NFIC: variants seen among roughly 807,000 people sequenced by gnomAD.
NFIC encodes the protein nuclear factor 1 C-type.
Under a neutral mutation model 54.4 loss-of-function variants are expected in NFIC, and 12 were observed. The ratio of observed to expected loss-of-function variants is 0.22; its 90% confidence interval spans 0.14 to 0.36. The LOEUF (loss-of-function observed/expected upper bound fraction) is 0.36, where lower values mean the gene tolerates loss of function less well. Among genes scored for constraint, NFIC ranks in the 10% least tolerant of loss-of-function variants. NFIC has a pLI of 1.00. For synonymous variants in NFIC, 322 were observed against 319.2 expected, an observed-to-expected ratio of 1.01 and a Z score of -0.09; for missense variants, 575 against 718.2, an observed-to-expected ratio of 0.80 and a Z score of 2.28.
chr19:3,375,790 A>T lies in NFIC; in HGVS notation c.31-5922A>T, dbSNP rs1175992276. Among the ~76,000 whole-genome samples, 2 of 152,152 alleles carry T rather than the reference A, an allele frequency of 1.3e-5. No homozygotes were observed. The highest frequency in any genetic ancestry group is 4.8e-5 in the African/African-American group (2 of 41,442). On this transcript the variant is annotated intron_variant, in intron 1 of 10. Transcript: ENST00000443272. The surrounding 1 kb of genome is among the most constrained non-coding windows in gnomAD (Gnocchi z 4.6). ...CCGGAGGTGGCCCAAGGGGACGTGGAGCACAGAGCAGGGAGGGTGATCTGG... is the reference window on the plus strand; with the variant it reads ...CCGGAGGTGGCCCAAGGGGACGTGGTGCACAGAGCAGGGAGGGTGATCTGG...
intron 6 of NFIC, among the ~76,000 whole-genome samples, chr19:3,444,542 C>T (rs55805153): frequency 2.0e-5 from 3 of 152,138 alleles, no homozygotes; most frequent in Non-Finnish European, 4.4e-5. Flanking sequence ...TAGAGCCTGC[C>T]GGGAGCGTGC....
chr19:3,419,930 A>G (rs553532235), intron 2 of NFIC, among the ~76,000 whole-genome samples: 32 of 152,288 alleles, frequency 2.1e-4, no homozygotes, highest in Middle Eastern at 3.4e-3. Flanking sequence ...TAGTGGTGAG[A>G]GGCTGGATGT....
intron 3 of NFIC, among the ~76,000 whole-genome samples, chr19:3,428,938 C>T (rs2082070456): frequency 6.6e-6 from 1 of 152,014 alleles, no homozygotes. Context: ...ATGCGTGGCC[C>T]TGAACCTCCC....
intron 2 of NFIC, among the ~76,000 whole-genome samples, chr19:3,416,388 AT>A (rs2081854967): frequency 6.7e-6 from 1 of 150,206 alleles, no homozygotes. Context: ...AAATGTACCT[AT>A]ATGGCCTGTA....
In NFIC at chr19:3,392,603, C is replaced by T. The variant is rs571349761; in HGVS notation, c.562+10360C>T. On this transcript the variant is annotated intron_variant, in intron 2 of 10. Coordinates refer to ENST00000443272, the MANE Select transcript of NFIC (RefSeq NM_001245002.2). ...TCCCAGAGCCAGTGGGAGGGGGAGG[C>T]GCCTTGTTGCACCTGTGATGCCCCC... Among the ~76,000 whole-genome samples, 16 of 152,292 alleles carry T rather than the reference C, an allele frequency of 1.1e-4. 1 individual carries two copies. Among genetic ancestry groups the T allele is most frequent in the African/African-American group, 3.6e-4 (15 of 41,568 alleles).
chr19:3,413,047 C>G (rs2081791254), intron 2 of NFIC, among the ~76,000 whole-genome samples: 1 of 152,194 alleles, frequency 6.6e-6, no homozygotes, highest in Admixed American at 6.5e-5. Context: ...CTTCCAGATT[C>G]AAATGATCCT....
chr19:3,410,803 A>G (rs766271372), intron 2 of NFIC: 2 of 152,314 alleles, frequency 1.3e-5, no homozygotes, highest in Non-Finnish European at 2.9e-5. Flanking sequence ...CAGCGATTGG[A>G]AACGCCCGCG....
upstream of NFIC, chr19:3,366,532 G>GGC (rs2080886043): frequency 1.8e-6 from 1 of 558,368 alleles, no homozygotes; most frequent in Non-Finnish European, 2.8e-6. Context: ...CCGGCCGCGG[G>GGC]GCGGGGGGGG....
intron 2 of NFIC, among the ~76,000 whole-genome samples, chr19:3,423,116 T>G (rs1243713522): frequency 6.6e-6 from 1 of 152,070 alleles, no homozygotes; most frequent in South Asian, 2.1e-4. Context: ...GAGAATCACT[T>G]GAACCCGAGA....
At position 3,463,825 on chromosome 19, in the gene NFIC, C is replaced by T. The variant is rs1369784890; in HGVS notation, c.*1056C>T. ...AGCCCCTGGCGGTGGGAGGTGAGAG[C>T]GAGTGGTTTAAGTGCCTGATTACCA... On this transcript the variant is annotated 3_prime_UTR_variant, in exon 11 of 11. Transcript: ENST00000443272. The T allele has an allele frequency of 1.2e-5, 12 of 984,834 alleles. No individual in the cohort carries two copies. Among genetic ancestry groups the T allele is most frequent in the Non-Finnish European group, 1.4e-5 (12 of 829,804 alleles). The allele number at this position is 984,834 out of a possible 1,614,324, so 61.0% of individuals were successfully genotyped here. A position where few individuals can be genotyped will look rare whatever the true frequency, so the allele number is the denominator to read the frequency against.
At chr19:3,383,041 G>C (rs1370540411) in intron 2 of NFIC, among the ~76,000 whole-genome samples, 1 of 152,064 alleles carries the variant, frequency 6.6e-6, no homozygotes, top group African/African-American at 2.4e-5. Context: ...TGAGGTCTCA[G>C]GGGGATGAGA....
intron 10 of NFIC, among the ~76,000 whole-genome samples, chr19:3,457,397 T>C (rs535868204): frequency 1.3e-5 from 2 of 151,762 alleles, no homozygotes; most frequent in African/African-American, 4.8e-5. Flanking sequence ...GTCTAGGGAG[T>C]GGGGGCGTGG....
At chr19:3,451,812 TAAA>T (rs57508399) in intron 7 of NFIC, among the ~76,000 whole-genome samples, 2 of 133,550 alleles carry the variant, frequency 1.5e-5, no homozygotes, top group Non-Finnish European at 1.6e-5. Context: ...ATCCTCTGTT[TAAA>T]AAAAAAAAAA....
rs935945536 is a variant in NFIC at position 3,375,768 on chromosome 19, G to A, written c.31-5944G>A. On this transcript the variant is annotated intron_variant, in intron 1 of 10. Coordinates refer to ENST00000443272, the MANE Select transcript of NFIC (RefSeq NM_001245002.2). The surrounding 1 kb of genome is among the most constrained non-coding windows in gnomAD (Gnocchi z 4.6). ...CTCCCCCCGAAGCACCCCACGGCCG[G>A]AGGTGGCCCAAGGGGACGTGGAGCA... is the stretch of plus-strand genomic sequence containing the variant. Among the ~76,000 whole-genome samples, 2 of 152,186 alleles carry A rather than the reference G, an allele frequency of 1.3e-5. No individual in the cohort carries two copies. Among genetic ancestry groups the A allele is most frequent in the Non-Finnish European group, 2.9e-5 (2 of 68,036 alleles).
At chr19:3,415,708 C>A (rs2024162) in intron 2 of NFIC, among the ~76,000 whole-genome samples, 141,444 of 152,094 alleles carry the variant, frequency 0.93, 65,801 homozygotes, top group East Asian at 0.97. Flanking sequence ...GCTGCCTTTT[C>A]GTAAATGCTC....
In NFIC at chr19:3,463,962, C is replaced by T; in HGVS notation, c.*1193C>T. On this transcript the variant is annotated 3_prime_UTR_variant, in exon 11 of 11. Coordinates refer to ENST00000443272, the MANE Select transcript of NFIC (RefSeq NM_001245002.2). Reference sequence around the variant, plus strand: ...CAGTCAACCCTCATCGCCGTGCCCCCCCAGAGCTAGAGAGATGGGGCCCCT... The same window carrying T: ...CAGTCAACCCTCATCGCCGTGCCCCTCCAGAGCTAGAGAGATGGGGCCCCT... The T allele has an allele frequency of 1.0e-6, 1 of 985,250 alleles. No homozygotes were observed. The highest frequency in any genetic ancestry group is 1.2e-6 in the Non-Finnish European group (1 of 829,868). 61.0% of individuals were successfully genotyped at this position (985,250 alleles called of 1,614,324 possible). A position where few individuals can be genotyped will look rare whatever the true frequency, so the allele number is the denominator to read the frequency against.
chr19:3,382,642 T>C (rs1327889945), intron 2 of NFIC, among the ~76,000 whole-genome samples: 1 of 145,998 alleles, frequency 6.8e-6, no homozygotes, highest in Non-Finnish European at 1.5e-5. Flanking sequence ...GGCTGGTGCG[T>C]GTAGATGTGA....
At chr19:3,407,262 C>T (rs1396466537) in intron 2 of NFIC, among the ~76,000 whole-genome samples, 1 of 151,482 alleles carries the variant, frequency 6.6e-6, no homozygotes, top group Non-Finnish European at 1.5e-5. Context: ...TACAGGCGCC[C>T]GCCACCACGC....
At chr19:3,379,203 TC>T (rs2145463811) in intron 1 of NFIC, among the ~76,000 whole-genome samples, 1 of 149,646 alleles carries the variant, frequency 6.7e-6, no homozygotes, top group East Asian at 2.0e-4. Context: ...GGGATTACAG[TC>T]ATGCGCCACC....
Sources: allele counts gnomAD v4.1 joint callset (sites outside exome capture counted in the v4.1 genomes callset), GRCh38; gene constraint gnomAD v4.1.1; non-coding constraint Gnocchi (gnomAD v3.1); transcripts MANE v1.5; gene names NCBI Gene and HGNC (gene_info 2026-07-23, HGNC 2026-07-21).